Variants in PSMD4 observed in about 807,000 individuals in gnomAD.
PSMD4 encodes the protein 26S proteasome non-ATPase regulatory subunit 4.
PSMD4 carries 5 observed loss-of-function variants against 39.7 expected under a neutral mutation model. That is an observed-to-expected ratio of 0.13 (90% CI 0.07 to 0.26). The LOEUF is 0.26. PSMD4 is among the 10% of genes least tolerant of loss of function. The pLI is 1.00. For synonymous variants in PSMD4, 143 were observed against 174.6 expected (o/e 0.82, Z 1.43); for missense variants, 272 against 486.1 (o/e 0.56, Z 4.14).
chr1:151,265,363 A>G (rs1558322731), intron 5 of PSMD4, 31 bp from the exon 6 acceptor site: 2 of 1,610,288 alleles, frequency 1.2e-6, no homozygotes, highest in South Asian at 2.2e-5. Flanking sequence ...CAAGGCCTGA[A>G]GAAGGGCATC....
intron 1 of PSMD4, among the ~76,000 whole-genome samples, chr1:151,261,808 G>A (rs925004549): frequency 2.0e-5 from 3 of 151,856 alleles, no homozygotes; most frequent in Non-Finnish European, 2.9e-5. Context: ...AATTTAAAAG[G>A]TAGCTGCGTG....
chr1:151,265,860 C>T (rs1242610455), intron 6 of PSMD4, 144 bp from the exon 7 acceptor site: 1 of 1,207,560 alleles, frequency 8.3e-7, no homozygotes, highest in East Asian at 2.6e-5. Flanking sequence ...AATCCCGTAC[C>T]ACTGCTTATC....
intron 1 of PSMD4, chr1:151,259,161 T>A (rs6681163): frequency 0.64 from 98,019 of 152,126 alleles, 31,933 homozygotes; most frequent in Non-Finnish European, 0.7. Flanking sequence ...TACAGTGAGC[T>A]GTGACTGCGC....
rs769532330 is a variant in PSMD4 at position 151,265,162 on chromosome 1, C to T, written c.370-4C>T. 5.0e-6 allele frequency: 8 copies of T among 1,607,610 alleles called. No individual in the cohort carries two copies. Among genetic ancestry groups the T allele is most frequent in the Non-Finnish European group, 6.8e-6 (8 of 1,177,682 alleles). On this transcript the variant is annotated splice_polypyrimidine_tract_variant and splice_region_variant and intron_variant, in intron 4 of 9. Coordinates refer to ENST00000368884, the MANE Select transcript of PSMD4 (RefSeq NM_002810.4). ...TTTCTTGATTTTTCTCCCCTTCTTC[C>T]CAGCTGGTGAAACTGGCTAAACGCC...
intron 1 of PSMD4, among the ~76,000 whole-genome samples, chr1:151,256,352 AAAAATAATAAT>A: frequency 1.3e-5 from 1 of 78,688 alleles, no homozygotes; most frequent in Non-Finnish European, 2.9e-5. Context: ...TCAAAAAAAA[AAAAATAATAAT>A]AAAATAAATA....
chr1:151,258,696 A>G (rs1693242855), intron 1 of PSMD4, among the ~76,000 whole-genome samples: 1 of 151,894 alleles, frequency 6.6e-6, no homozygotes, highest in Non-Finnish European at 1.5e-5. Context: ...CTTGGGCTCA[A>G]GAGAGCCTCC....
chr1:151,265,232 G>A lies in PSMD4; in HGVS notation c.436G>A (p.Glu146Lys), dbSNP rs775775998. 1 of 1,613,258 alleles carries A rather than the reference G, an allele frequency of 6.2e-7. No individual in the cohort carries two copies. The highest frequency in any genetic ancestry group is 1.1e-5 in the South Asian group (1 of 90,966). The change falls in exon 5 of 10, where the codon GAG becomes AAG. Residue 146 changes from glutamate to lysine, a missense_variant and splice_region_variant. Physicochemically the swap from Glu to Lys is moderately conservative, Grantham distance 56. Transcript: ENST00000368884. ...TGTTGACATTATCAATTTTGGGGAA[G>A]AGGTGAGTAGGGACTGATTGGAGGG... The part of the protein sequence containing the change: ...VNVDIINFGE[E>K]EVNTEKLTAF...
In PSMD4 at chr1:151,267,325, G is replaced by T. The variant is rs753229679; in HGVS notation, c.1116G>T (p.Lys372Asn). The T allele has an allele frequency of 6.2e-7, 1 of 1,613,928 alleles. No homozygotes were observed. Among genetic ancestry groups the T allele is most frequent in the South Asian group, 1.1e-5 (1 of 91,078 alleles). The stretch of plus-strand genomic sequence containing the variant: ...CCAAGGACGGCAAGAAGGACAAGAA[G>T]GAGGAAGACAAGAAGTGAGACTGGA... ...QATKDGKKDK[K>N]EEDKK The change falls in exon 10 of 10, where the codon AAG (lysine) becomes AAT (asparagine). Residue 372 changes from lysine to asparagine, a missense_variant. Physicochemically the swap from Lys to Asn is moderately conservative, Grantham distance 94 (BLOSUM62 0). Coordinates refer to ENST00000368884, the MANE Select transcript of PSMD4 (RefSeq NM_002810.4).
intron 2 of PSMD4, 53 bp from the exon 3 acceptor site, chr1:151,263,861 T>A: frequency 8.2e-7 from 1 of 1,224,608 alleles, no homozygotes; most frequent in Non-Finnish European, 1.2e-6. Context: ...AGACACAGTT[T>A]AGAGGTACTT....
At position 151,264,743 on chromosome 1, in the gene PSMD4, A is replaced by G. The variant is rs2101840318; in HGVS notation, c.283-89A>G. 2.8e-6 allele frequency: 3 copies of G among 1,057,426 alleles called. No homozygotes were observed. In the East Asian group the frequency reaches 7.7e-5, roughly 27 times the overall value. 65.5% of individuals were successfully genotyped at this position (1,057,426 alleles called of 1,614,324 possible). A position where few individuals can be genotyped will look rare whatever the true frequency, so the allele number is the denominator to read the frequency against. On this transcript the variant is annotated intron_variant, in intron 3 of 9. Coordinates refer to ENST00000368884, the MANE Select transcript of PSMD4 (RefSeq NM_002810.4). ...TAGATGGTGTACTTCAGGTACAAAGAAACTGTAAGAAAAAGGGAACCGAGT... is the reference window on the plus strand; with the variant it reads ...TAGATGGTGTACTTCAGGTACAAAGGAACTGTAAGAAAAAGGGAACCGAGT...
rs1479635340 is a variant in PSMD4 at position 151,265,500 on chromosome 1, C to G, written c.545C>G (p.Ala182Gly). The G allele has an allele frequency of 4.3e-6, 7 of 1,614,068 alleles. No individual in the cohort carries two copies. The highest frequency in any genetic ancestry group is 5.1e-6 in the Non-Finnish European group (6 of 1,180,030). ...TVPPGPSLAD[A>G]LISSPILAGE... ...CCTCCTGGGCCCAGTTTGGCTGATGCTCTCATCAGTTCTCCGATTTTGGCT... is the reference window on the plus strand; with the variant it reads ...CCTCCTGGGCCCAGTTTGGCTGATGGTCTCATCAGTTCTCCGATTTTGGCT... The change falls in exon 6 of 10, where the codon GCT (alanine) becomes GGT (glycine). Residue 182 changes from alanine to glycine, a missense_variant. Transcript: ENST00000368884.
At chr1:151,261,796 A>G (rs1463464943) in intron 1 of PSMD4, among the ~76,000 whole-genome samples, 1 of 151,962 alleles carries the variant, frequency 6.6e-6, no homozygotes, top group African/African-American at 2.4e-5. Context: ...CTCTACAAAA[A>G]AAATTTAAAA....
intron 9 of PSMD4, chr1:151,266,944 C>T: frequency 1.4e-6 from 1 of 712,790 alleles, no homozygotes; most frequent in Non-Finnish European, 2.6e-6. Context: ...CCTCAGAGCT[C>T]AATTAACAGA....
chr1:151,257,816 C>T (rs1693213581), intron 1 of PSMD4, among the ~76,000 whole-genome samples: 1 of 150,966 alleles, frequency 6.6e-6, no homozygotes, highest in African/African-American at 2.4e-5. Context: ...CTGCCCACCT[C>T]AGCCTCCCAA....
intron 1 of PSMD4, among the ~76,000 whole-genome samples, chr1:151,261,662 A>T (rs1693322165): frequency 2.0e-5 from 3 of 151,914 alleles, no homozygotes; most frequent in African/African-American, 7.3e-5. Flanking sequence ...GGATTTAAAA[A>T]TTTTTTCGGC....
chr1:151,264,610 C>G (rs1409446465), intron 3 of PSMD4, among the ~76,000 whole-genome samples: 1 of 126,668 alleles, frequency 7.9e-6, no homozygotes, highest in African/African-American at 2.9e-5. Context: ...GACTCCATCT[C>G]AAAAAAAAAA....
intron 1 of PSMD4, 26 bp from the exon 2 acceptor site, chr1:151,262,135 C>CTTG (rs1558321484): frequency 6.2e-7 from 1 of 1,613,632 alleles, no homozygotes; most frequent in Non-Finnish European, 8.5e-7. Flanking sequence ...TTTCTTCTCT[C>CTTG]TTGTCCTTCA....
intron 2 of PSMD4, chr1:151,262,548 G>T: frequency 2.1e-6 from 1 of 480,680 alleles, no homozygotes; most frequent in Non-Finnish European, 3.7e-6. Flanking sequence ...AGGGTAGGGG[G>T]TGAAATTTCA....
At chr1:151,257,714 T>G (rs1356201576) in intron 1 of PSMD4, among the ~76,000 whole-genome samples, 15 of 109,008 alleles carry the variant, frequency 1.4e-4, no homozygotes, top group Admixed American at 5.2e-4. Context: ...TACCTGGCTT[T>G]CTTTTTTTTT....
Sources: allele counts gnomAD v4.1 joint callset (sites outside exome capture counted in the v4.1 genomes callset), GRCh38; gene constraint gnomAD v4.1.1; transcripts MANE v1.5; gene names NCBI Gene and HGNC (gene_info 2026-07-23, HGNC 2026-07-21).